The following EPHA6 variants were observed in gnomAD, a reference collection of about 807,000 sequenced individuals.
EPHA6 encodes ephrin type-A receptor 6.
In EPHA6, 50 loss-of-function variants were observed where a neutral mutation model predicts 112.0. The ratio of observed to expected loss-of-function variants is 0.45; its 90% CI spans 0.36 to 0.56. EPHA6 has a LOEUF of 0.56. EPHA6 is among the 20% of genes least tolerant of loss of function. The pLI, the probability that EPHA6 is intolerant of heterozygous loss-of-function variation, is 0.00. For synonymous variants in EPHA6, 529 were observed against 490.7 expected (o/e 1.08, Z -1.03); for missense variants, 1,280 against 1,417.4 (o/e 0.90, Z 1.56).
chr3:97,412,638 C>T (rs960107970), intron 6 of EPHA6, among the ~76,000 whole-genome samples: 3 of 151,338 alleles, frequency 2.0e-5, no homozygotes, highest in African/African-American at 4.9e-5. Context: ...ATTATGTATA[C>T]GTATATATAA....
At position 97,546,156 on chromosome 3, in the gene EPHA6, G is replaced by C. The variant is rs556866051; in HGVS notation, c.2386+13613G>C. ...CATTAGTTGATGCAGTTTCTTCCTA[G>C]CCTTGATGGTCTTTACAATTTGGCA... On this transcript the variant is annotated intron_variant, in intron 11 of 17. Coordinates refer to ENST00000389672, the MANE Select transcript of EPHA6 (RefSeq NM_001080448.3). Among the ~76,000 whole-genome samples the C allele has an allele frequency of 3.9e-5, 6 of 152,310 alleles. No homozygotes were observed. In the East Asian group the frequency reaches 9.6e-4, roughly 24 times the overall value.
intron 1 of EPHA6, among the ~76,000 whole-genome samples, chr3:96,846,699 A>G (rs2035093518): frequency 1.3e-5 from 2 of 152,078 alleles, no homozygotes; most frequent in South Asian, 4.1e-4. Flanking sequence ...TGAACTTAGA[A>G]TAAACTAAGA....
intron 3 of EPHA6, among the ~76,000 whole-genome samples, chr3:97,014,757 T>A (rs148917665): frequency 4.9e-4 from 75 of 152,322 alleles, no homozygotes; most frequent in African/African-American, 1.6e-3. Flanking sequence ...AAAGGGATGA[T>A]GATCAAAGTA....
intron 2 of EPHA6, among the ~76,000 whole-genome samples, chr3:96,927,233 C>A (rs997845253): frequency 1.3e-5 from 2 of 152,146 alleles, no homozygotes; most frequent in African/African-American, 2.4e-5. Context: ...GGCTCCAAGT[C>A]CCATAGCTGC....
At chr3:97,329,415 T>C (rs2082661318) in intron 5 of EPHA6, among the ~76,000 whole-genome samples, 2 of 150,652 alleles carry the variant, frequency 1.3e-5, no homozygotes, top group African/African-American at 2.5e-5. Flanking sequence ...ATGGTTGAAC[T>C]AGTTTACAGT....
At chr3:97,066,904 A>G (rs2046196167) in intron 3 of EPHA6, among the ~76,000 whole-genome samples, 1 of 152,152 alleles carries the variant, frequency 6.6e-6, no homozygotes, top group Non-Finnish European at 1.5e-5. Context: ...AATTATGATG[A>G]TAAATCAAAG....
At chr3:97,539,113 T>C (rs2092810275) in intron 11 of EPHA6, among the ~76,000 whole-genome samples, 1 of 149,282 alleles carries the variant, frequency 6.7e-6, no homozygotes, top group African/African-American at 2.5e-5. Flanking sequence ...CCTTTCTTTC[T>C]TTCTTTCTTT....
At position 97,388,074 on chromosome 3, in the gene EPHA6, C is replaced by A. The variant is rs891753696; in HGVS notation, c.1607-17076C>A. Among the ~76,000 whole-genome samples the A allele has an allele frequency of 2.6e-5, 4 of 152,144 alleles. No individual in the cohort carries two copies. The South Asian group carries it at 8.3e-4, about 31-fold the overall frequency. ...TCTGCCCCCATGATTCAATCACTTC[C>A]TACCAGGCCCCTCCTCCAATATCAA... is the stretch of plus-strand genomic sequence containing the variant. On this transcript the variant is annotated intron_variant, in intron 5 of 17. Transcript: ENST00000389672.
intron 4 of EPHA6, among the ~76,000 whole-genome samples, chr3:97,238,900 G>T (rs773157112): frequency 9.2e-5 from 14 of 151,908 alleles, no homozygotes; most frequent in Admixed American, 1.3e-4. Context: ...AGAAGTTTAG[G>T]TTTTATTCTG....
At chr3:96,885,646 A>G (rs1180100959) in intron 2 of EPHA6, among the ~76,000 whole-genome samples, 3 of 151,960 alleles carry the variant, frequency 2.0e-5, no homozygotes, top group Non-Finnish European at 2.9e-5. Context: ...CCAGTGCTCT[A>G]TCAATTTTAT....
At chr3:97,727,814 G>A (rs536177719) in intron 15 of EPHA6, among the ~76,000 whole-genome samples, 1 of 152,030 alleles carries the variant, frequency 6.6e-6, no homozygotes, top group African/African-American at 2.4e-5. Flanking sequence ...CTAATTACAT[G>A]AGTATGATGT....
chr3:97,463,465 G>A lies in EPHA6; in HGVS notation c.1895-11887G>A, dbSNP rs557779740. On this transcript the variant is annotated intron_variant, in intron 7 of 17. Coordinates refer to ENST00000389672, the MANE Select transcript of EPHA6 (RefSeq NM_001080448.3). ...AAATTAGGTCCATATACACAAGAGG[G>A]AACATAATCATTACTAGAGATGCAC... is the stretch of plus-strand genomic sequence containing the variant. 2.6e-3 allele frequency among the ~76,000 whole-genome samples: 399 copies of A among 152,202 alleles called. 1 individual carries two copies. Among genetic ancestry groups the A allele is most frequent in the Non-Finnish European group, 4.7e-3 (318 of 67,990 alleles).
At chr3:97,491,713 G>C (rs1193224276) in intron 10 of EPHA6, among the ~76,000 whole-genome samples, 1 of 150,972 alleles carries the variant, frequency 6.6e-6, no homozygotes, top group Non-Finnish European at 1.5e-5. Flanking sequence ...CATTGTCATA[G>C]AGACCCAGTC....
intron 11 of EPHA6, among the ~76,000 whole-genome samples, chr3:97,552,164 C>G (rs752670192): frequency 2.0e-5 from 3 of 152,128 alleles, no homozygotes; most frequent in East Asian, 1.9e-4. Flanking sequence ...GCTACCTCCA[C>G]GCAGAAAATG....
At chr3:97,181,071 T>C (rs919301830) in intron 3 of EPHA6, among the ~76,000 whole-genome samples, 3 of 152,134 alleles carry the variant, frequency 2.0e-5, no homozygotes, top group Admixed American at 1.3e-4. Flanking sequence ...GATTTCCCTC[T>C]GGCTGGTGTT....
At chr3:97,363,699 T>C (rs1259102953) in intron 5 of EPHA6, among the ~76,000 whole-genome samples, 1 of 152,052 alleles carries the variant, frequency 6.6e-6, no homozygotes, top group Non-Finnish European at 1.5e-5. Context: ...TGGTTATTTG[T>C]GTACCAGTGT....
chr3:97,059,538 GA>G (rs2045953411), intron 3 of EPHA6, among the ~76,000 whole-genome samples: 1 of 151,616 alleles, frequency 6.6e-6, no homozygotes, highest in African/African-American at 2.4e-5. Flanking sequence ...GGGGACACAG[GA>G]AAAATTCACT....
chr3:97,064,258 G>T (rs1017969672), intron 3 of EPHA6, among the ~76,000 whole-genome samples: 2 of 152,064 alleles, frequency 1.3e-5, no homozygotes, highest in African/African-American at 4.8e-5. Context: ...GTGACAATAT[G>T]AATATCAAGT....
At position 97,024,864 on chromosome 3, in the gene EPHA6, A is replaced by C. The variant is rs572398262; in HGVS notation, c.1114+36871A>C. ...TTTTACTTGAAAAATATGGAAAAAC[A>C]AAACAAAAACTACCATTTAGTGACA... On this transcript the variant is annotated intron_variant, in intron 3 of 17. Coordinates refer to ENST00000389672, the MANE Select transcript of EPHA6 (RefSeq NM_001080448.3). 3.9e-5 allele frequency among the ~76,000 whole-genome samples: 6 copies of C among 152,340 alleles called. No homozygotes were observed. In the East Asian group the frequency reaches 1.2e-3, roughly 29 times the overall value.
Sources: allele counts gnomAD v4.1 joint callset (sites outside exome capture counted in the v4.1 genomes callset), GRCh38; gene constraint gnomAD v4.1.1; transcripts MANE v1.5; gene names NCBI Gene and HGNC (gene_info 2026-07-23, HGNC 2026-07-21).